The following MACROH2A2 variants were observed in gnomAD, a reference collection of about 807,000 sequenced individuals.
MACROH2A2 encodes core histone macro-H2A.2.
Under a neutral mutation model 37.6 loss-of-function variants are expected in MACROH2A2, and 6 were observed. That is an observed-to-expected ratio of 0.16 (90% CI 0.09 to 0.32). The LOEUF is 0.32. Ranked by LOEUF, MACROH2A2 falls within the 10% of genes least tolerant of loss-of-function variation. The pLI is 1.00. For synonymous variants in MACROH2A2, 192 were observed against 202.7 expected (o/e 0.95, Z 0.45); for missense variants, 290 against 485.9 (o/e 0.60, Z 3.79).
At chr10:70,110,311 G>A (rs1040540991) in intron 8 of MACROH2A2, among the ~76,000 whole-genome samples, 11 of 152,094 alleles carry the variant, frequency 7.2e-5, no homozygotes, top group African/African-American at 2.7e-4. Context: ...CTGGAACCTG[G>A]GGCCTTTAAC....
chr10:70,056,988 T>G (rs1018103139), intron 1 of MACROH2A2, among the ~76,000 whole-genome samples: 1 of 152,058 alleles, frequency 6.6e-6, no homozygotes, highest in Non-Finnish European at 1.5e-5. Flanking sequence ...GATAGAATTT[T>G]TTTCCCCAAT....
chr10:70,096,924 C>T (rs983415974), intron 6 of MACROH2A2, among the ~76,000 whole-genome samples: 23 of 152,234 alleles, frequency 1.5e-4, no homozygotes, highest in Non-Finnish European at 2.9e-4. Flanking sequence ...CATGGAAGGA[C>T]GCCCTCTAGT....
intron 2 of MACROH2A2, among the ~76,000 whole-genome samples, 178 bp from the exon 3 acceptor site, chr10:70,089,882 C>T (rs1030169444): frequency 5.3e-5 from 8 of 152,140 alleles, no homozygotes; most frequent in African/African-American, 7.2e-5. Context: ...CCTGCCTCGG[C>T]CTCCTGAGTA....
intron 6 of MACROH2A2, among the ~76,000 whole-genome samples, chr10:70,097,755 C>T (rs901724945): frequency 1.3e-5 from 2 of 152,126 alleles, no homozygotes; most frequent in South Asian, 4.1e-4. Context: ...AAAAAGATAG[C>T]AATATCAACA....
At chr10:70,067,645 T>G (rs1038885376) in intron 1 of MACROH2A2, among the ~76,000 whole-genome samples, 3 of 152,218 alleles carry the variant, frequency 2.0e-5, no homozygotes, top group African/African-American at 7.2e-5. Flanking sequence ...ATATATGTTA[T>G]GAACTAGGAC....
chr10:70,085,093 G>A (rs756465614), intron 2 of MACROH2A2, among the ~76,000 whole-genome samples: 6 of 152,332 alleles, frequency 3.9e-5, no homozygotes, highest in Non-Finnish European at 7.3e-5. Context: ...GATGAGGCTG[G>A]ATGGACCCCA....
rs10999141 is a variant in MACROH2A2 at position 70,107,183 on chromosome 10, G to A, written c.779-1850G>A. On this transcript the variant is annotated intron_variant, in intron 7 of 8. Coordinates refer to ENST00000373255, the MANE Select transcript of MACROH2A2 (RefSeq NM_018649.3). This position sits in a 1 kb window ranked among gnomAD's most constrained non-coding sequence, Gnocchi z 4.4. ...TTCACGTGTGATGACACTGAGCCCC[G>A]TCTAGGCACTGGAAGGCAGGGAGCC... Among the ~76,000 whole-genome samples the A allele has an allele frequency of 0.029, 4,371 of 152,284 alleles. 258 individuals carry two copies. Among genetic ancestry groups the A allele is most frequent in the East Asian group, 0.19 (1,004 of 5,182 alleles).
Position 70,075,521 on chromosome 10 carries a change from T to C in MACROH2A2, c.-59-79T>C. The C allele has an allele frequency of 1.3e-6, 1 of 786,162 alleles. No individual in the cohort carries two copies. Among genetic ancestry groups the C allele is most frequent in the Non-Finnish European group, 2.1e-6 (1 of 475,756 alleles). The allele number at this position is 786,162 out of a possible 1,614,324, so 48.7% of individuals were successfully genotyped here. On this transcript the variant is annotated intron_variant, in intron 1 of 8. Transcript: ENST00000373255. This position sits in a 1 kb window ranked among gnomAD's most constrained non-coding sequence, Gnocchi z 5.0. ...CCCAGGGCAGTCAGAGGTGTCACAG[T>C]GGTGCCCAAGGGCCATGCCACTGTG... is the stretch of plus-strand genomic sequence containing the variant.
intron 7 of MACROH2A2, among the ~76,000 whole-genome samples, chr10:70,106,464 ACTTGATTG>A (rs1447959978): frequency 3.3e-5 from 5 of 152,088 alleles, no homozygotes; most frequent in African/African-American, 1.2e-4. Context: ...GTCATTTTTT[ACTTGATTG>A]GATGTTTGAC....
chr10:70,091,046 TA>T (rs1426498258), intron 3 of MACROH2A2, among the ~76,000 whole-genome samples: 1 of 152,254 alleles, frequency 6.6e-6, no homozygotes, highest in Non-Finnish European at 1.5e-5. Context: ...TGATGGAATG[TA>T]TGTGCAAGCT....
chr10:70,069,275 G>A (rs576864281), intron 1 of MACROH2A2, among the ~76,000 whole-genome samples: 5 of 152,136 alleles, frequency 3.3e-5, no homozygotes, highest in South Asian at 2.1e-4. Flanking sequence ...TGTGCTTCCC[G>A]TTGCTGTGCT....
chr10:70,078,387 G>A (rs2072153486), intron 2 of MACROH2A2, among the ~76,000 whole-genome samples: 1 of 152,212 alleles, frequency 6.6e-6, no homozygotes, highest in Non-Finnish European at 1.5e-5. Context: ...ACGTGGAGGA[G>A]GAGAAGGTGA....
At chr10:70,077,392 A>AC (rs1488262336) in intron 2 of MACROH2A2, among the ~76,000 whole-genome samples, 2 of 151,728 alleles carry the variant, frequency 1.3e-5, no homozygotes, top group Non-Finnish European at 2.9e-5. Flanking sequence ...ATATGGTGAC[A>AC]CCCCATCTCT....
chr10:70,082,983 C>CT (rs11287364), intron 2 of MACROH2A2, among the ~76,000 whole-genome samples: 119 of 143,928 alleles, frequency 8.3e-4, no homozygotes, highest in African/African-American at 1.8e-3. Flanking sequence ...GTATGTTTTC[C>CT]TTTTTTTTTT....
At position 70,079,065 on chromosome 10, in the gene MACROH2A2, G is replaced by A. The variant is rs544478031; in HGVS notation, c.172+3235G>A. 2.0e-5 allele frequency among the ~76,000 whole-genome samples: 3 copies of A among 152,276 alleles called. No individual in the cohort carries two copies. The South Asian group carries it at 6.2e-4, about 32-fold the overall frequency. ...TGCTGGACTTAGAGCCTAGTGAGGAGGACAAGAAGGAAACGCCTCACAATA... is the reference window on the plus strand; with the variant it reads ...TGCTGGACTTAGAGCCTAGTGAGGAAGACAAGAAGGAAACGCCTCACAATA... On this transcript the variant is annotated intron_variant, in intron 2 of 8. Coordinates refer to ENST00000373255, the MANE Select transcript of MACROH2A2 (RefSeq NM_018649.3).
chr10:70,095,822 T>C (rs2072273058), intron 6 of MACROH2A2, 69 bp downstream of exon 6: 2 of 768,902 alleles, frequency 2.6e-6, no homozygotes, highest in African/African-American at 1.8e-5. Context: ...CTTGTGAAGC[T>C]GATCATTGTC....
intron 2 of MACROH2A2, among the ~76,000 whole-genome samples, chr10:70,079,633 G>A (rs2072163926): frequency 6.6e-6 from 1 of 151,294 alleles, no homozygotes; most frequent in Non-Finnish European, 1.5e-5. Flanking sequence ...AAGAGAGGTG[G>A]CAGCATCTGC....
chr10:70,093,367 C>T (rs1023753950), intron 4 of MACROH2A2, among the ~76,000 whole-genome samples: 7 of 152,100 alleles, frequency 4.6e-5, no homozygotes, highest in Non-Finnish European at 7.4e-5. Context: ...CTCTGTGCCC[C>T]GAGAAATCCT....
intron 1 of MACROH2A2, among the ~76,000 whole-genome samples, chr10:70,066,674 G>A (rs540068442): frequency 7.2e-5 from 11 of 152,310 alleles, no homozygotes; most frequent in Admixed American, 1.3e-4. Context: ...TATGGTCCAC[G>A]TTCCTATTTG....
Sources: allele counts gnomAD v4.1 joint callset (sites outside exome capture counted in the v4.1 genomes callset), GRCh38; gene constraint gnomAD v4.1.1; non-coding constraint Gnocchi (gnomAD v3.1); transcripts MANE v1.5; gene names NCBI Gene and HGNC (gene_info 2026-07-23, HGNC 2026-07-21).